Variants in BIRC6 observed in about 807,000 individuals in gnomAD.
BIRC6 encodes the protein baculoviral IAP repeat containing 6.
BIRC6 carries 98 observed loss-of-function variants against 503.3 expected under a neutral mutation model. The observed-to-expected ratio is 0.19, with a 90% confidence interval of 0.17 to 0.23. The LOEUF (loss-of-function observed/expected upper bound fraction) is 0.23. Among genes scored for constraint, BIRC6 ranks in the 10% least tolerant of loss-of-function variants. The pLI is 1.00. For missense variants in BIRC6, 5,360 were observed against 5,806.0 expected, an observed-to-expected ratio of 0.92 and a Z score of 2.50; for synonymous variants, 2,240 against 2,078.7, an observed-to-expected ratio of 1.08 and a Z score of -2.11.
intron 45 of BIRC6, among the ~76,000 whole-genome samples, chr2:32,496,034 G>T (rs992124355): frequency 6.6e-6 from 1 of 151,888 alleles, no homozygotes; most frequent in East Asian, 1.9e-4. Context: ...GTAGAGACGG[G>T]GTTTCACCGT....
intron 62 of BIRC6, among the ~76,000 whole-genome samples, chr2:32,545,052 GA>G (rs35577872): frequency 1.3e-5 from 2 of 148,856 alleles, no homozygotes; most frequent in African/African-American, 2.5e-5. Flanking sequence ...AACAGAAAAG[GA>G]AAAAAAAATG....
chr2:32,574,557 A>C (rs2060134834), intron 65 of BIRC6: 1 of 155,758 alleles, frequency 6.4e-6, no homozygotes, highest in African/African-American at 2.4e-5. Context: ...AAATATTAAG[A>C]AAAAAATCAT....
chr2:32,406,474 T>C, intron 8 of BIRC6, 25 bp from the exon 9 acceptor site: 1 of 1,566,956 alleles, frequency 6.4e-7, no homozygotes, highest in Non-Finnish European at 8.8e-7. Context: ...AAATTCAAAT[T>C]GTTTACTTTG....
Position 32,602,989 on chromosome 2 carries a change from C to CT in BIRC6, c.13993-11dup. The CT allele has an allele frequency of 6.3e-7, 1 of 1,591,544 alleles. No individual in the cohort carries two copies. ...CACTCTTTTTTCAATTCTGTTTATG[C>CT]TTTTTTCGTTCGTCAGGTTTGTTTA... On this transcript the variant is annotated splice_polypyrimidine_tract_variant and intron_variant, in intron 70 of 73. Transcript: ENST00000421745.
At chr2:32,428,962 A>G (rs1401324827) in intron 10 of BIRC6, among the ~76,000 whole-genome samples, 184 bp from the exon 11 acceptor site, 1 of 152,166 alleles carries the variant, frequency 6.6e-6, no homozygotes, top group African/African-American at 2.4e-5. Flanking sequence ...TTCTTCATAA[A>G]AATTTGGTTT....
At position 32,468,204 on chromosome 2, in the gene BIRC6, G is replaced by A. The variant is rs147735879; in HGVS notation, c.5780+93G>A. On this transcript the variant is annotated intron_variant, in intron 28 of 73. Transcript: ENST00000421745. ...TCTGTCAAGAAATGTCTTTTCATAG[G>A]TGTACAGATAAGAGAGCAAGAGGAA... The A allele has an allele frequency of 4.8e-3, 6,302 of 1,319,294 alleles. 38 individuals carry two copies. Among genetic ancestry groups the A allele is most frequent in the Non-Finnish European group, 5.0e-3 (4,782 of 954,534 alleles). 81.7% of individuals were successfully genotyped at this position (1,319,294 alleles called of 1,614,324 possible).
At chr2:32,465,764 A>T (rs945537725) in intron 26 of BIRC6, among the ~76,000 whole-genome samples, 20 of 152,214 alleles carry the variant, frequency 1.3e-4, no homozygotes, top group African/African-American at 4.3e-4. Context: ...AATTCAACAA[A>T]ATCCTCAGGG....
chr2:32,452,074 C>G (rs2046790551), intron 22 of BIRC6, among the ~76,000 whole-genome samples: 1 of 152,110 alleles, frequency 6.6e-6, no homozygotes, highest in Non-Finnish European at 1.5e-5. Context: ...ACATTGTAAC[C>G]TTTAAGAAAT....
At chr2:32,416,302 CT>C in intron 10 of BIRC6, 139 bp downstream of exon 10, 1 of 890,038 alleles carries the variant, frequency 1.1e-6, no homozygotes, top group Non-Finnish European at 1.7e-6. Context: ...GTAAATCCTT[CT>C]TTTTAAACTG....
intron 33 of BIRC6, among the ~76,000 whole-genome samples, chr2:32,474,740 A>G (rs1487054917): frequency 5.3e-5 from 8 of 152,198 alleles, no homozygotes; most frequent in Non-Finnish European, 1.2e-4. Flanking sequence ...TTTCTTGATT[A>G]TATTTCTTGC....
rs752858486 is a variant in BIRC6 at position 32,469,647 on chromosome 2, T to G, written c.6347+33T>G. ...AGAAAATGTTGGAGGTATTTGTTAT[T>G]AATGATGTGTACTTTTCACAGTTAC... On this transcript the variant is annotated intron_variant, in intron 30 of 73. Transcript: ENST00000421745. The G allele has an allele frequency of 3.3e-6, 5 of 1,522,548 alleles. No homozygotes were observed. The African/African-American group carries it at 6.9e-5, about 21-fold the overall frequency. The allele number at this position is 1,522,548 out of a possible 1,614,324, so 94.3% of individuals were successfully genotyped here. A position where few individuals can be genotyped will look rare whatever the true frequency, so the allele number is the denominator to read the frequency against.
At chr2:32,473,643 C>T (rs2049345938) in intron 33 of BIRC6, among the ~76,000 whole-genome samples, 1 of 151,056 alleles carries the variant, frequency 6.6e-6, no homozygotes, top group African/African-American at 2.4e-5. Context: ...CATCTTCTGC[C>T]CCTCTATCTA....
At chr2:32,517,773 G>GC (rs1253860680) in intron 55 of BIRC6, among the ~76,000 whole-genome samples, 2 of 194 alleles carry the variant, frequency 0.01, no homozygotes, top group Admixed American at 0.062. Flanking sequence ...GGTAGAGACA[G>GC]GTTTCACCAC....
chr2:32,368,682 C>T (rs1023871411), intron 1 of BIRC6, among the ~76,000 whole-genome samples: 5 of 152,126 alleles, frequency 3.3e-5, no homozygotes. Flanking sequence ...AACGGAGTCT[C>T]ACTCTGTCTC....
intron 61 of BIRC6, among the ~76,000 whole-genome samples, chr2:32,535,425 G>A (rs2057147284): frequency 1.3e-5 from 2 of 152,014 alleles, no homozygotes; most frequent in South Asian, 4.2e-4. Context: ...TTAACATTAG[G>A]TATGTCTCCT....
rs747390256 is a variant in BIRC6, at chr2:32,491,416, G to A, written c.8207-9G>A. On this transcript the variant is annotated splice_polypyrimidine_tract_variant and intron_variant, in intron 43 of 73. Transcript: ENST00000421745. The stretch of plus-strand genomic sequence containing the variant: ...ATTTCTTAAGAGGTTTTTAAAAAAT[G>A]TTTTATAGCTGGTTCCAGCAGTGCC... 3 of 1,598,554 alleles carry A rather than the reference G, an allele frequency of 1.9e-6. No homozygotes were observed. Among genetic ancestry groups the A allele is most frequent in the East Asian group, 2.2e-5 (1 of 44,720 alleles).
At chr2:32,586,625 C>A (rs2061054481) in intron 66 of BIRC6, among the ~76,000 whole-genome samples, 1 of 151,618 alleles carries the variant, frequency 6.6e-6, no homozygotes, top group Non-Finnish European at 1.5e-5. Context: ...CCCCTTGCTG[C>A]CCAGGCTGGT....
At chr2:32,440,151 T>TA (rs1356304593) in intron 16 of BIRC6, among the ~76,000 whole-genome samples, 1 of 152,234 alleles carries the variant, frequency 6.6e-6, no homozygotes, top group African/African-American at 2.4e-5. Flanking sequence ...GTGCTGGGGT[T>TA]ACAGGCGTGA....
intron 62 of BIRC6, among the ~76,000 whole-genome samples, chr2:32,544,516 A>T (rs2057915480): frequency 7.0e-6 from 1 of 142,990 alleles, no homozygotes. Context: ...ATTTTCACTT[A>T]CTATTTATTC....
Sources: gnomAD v4.1 joint callset for allele counts (sites outside exome capture counted in the v4.1 genomes callset) on GRCh38, gnomAD v4.1.1 for gene constraint, MANE v1.5 for transcripts, NCBI Gene and HGNC (gene_info 2026-07-23, HGNC 2026-07-21) for gene names.